Variants in DPYD observed in about 807,000 individuals in gnomAD.
DPYD encodes dihydropyrimidine dehydrogenase.
DPYD carries 109 observed loss-of-function variants against 116.2 expected under a neutral mutation model. That is an observed-to-expected ratio of 0.94 (90% CI 0.80 to 1.10). The LOEUF (loss-of-function observed/expected upper bound fraction) is 1.10. Among genes scored for constraint, DPYD ranks in the 50% least tolerant of loss-of-function variants. The probability of loss-of-function intolerance (pLI) is 0.00; values close to 1 mark genes in which losing one functional copy is unlikely to be tolerated. For synonymous variants in DPYD, 440 were observed against 432.0 expected (o/e 1.02, Z -0.23); for missense variants, 1,302 against 1,254.5 (o/e 1.04, Z -0.57).
rs560253354 is a variant in DPYD at position 97,743,591 on chromosome 1, A to T, written c.234-3112T>A. Among the ~76,000 whole-genome samples, 3 of 152,270 alleles carry T rather than the reference A, an allele frequency of 2.0e-5. No individual in the cohort carries two copies. In the East Asian group the frequency reaches 5.8e-4, roughly 29 times the overall value. ...TATTACAGAGTGCATTTACTGCACCAAATCAGAAAGGTACTGCATTACAAT... is the reference window on the plus strand; with the variant it reads ...TATTACAGAGTGCATTTACTGCACCTAATCAGAAAGGTACTGCATTACAAT... On this transcript the variant is annotated intron_variant, in intron 3 of 22. Coordinates refer to ENST00000370192, the MANE Select transcript of DPYD (RefSeq NM_000110.4).
intron 18 of DPYD, among the ~76,000 whole-genome samples, chr1:97,276,404 G>A (rs926889110): frequency 5.9e-5 from 9 of 151,884 alleles, no homozygotes; most frequent in Non-Finnish European, 7.4e-5. Context: ...CAAACTATGC[G>A]TCCAACAAAA....
chr1:97,455,535 CAA>C (rs1472754823), intron 13 of DPYD, among the ~76,000 whole-genome samples: 2 of 151,764 alleles, frequency 1.3e-5, no homozygotes, highest in African/African-American at 4.8e-5. Context: ...CATTATTTCA[CAA>C]AAGAGGAAAA....
intron 8 of DPYD, among the ~76,000 whole-genome samples, chr1:97,664,853 C>T (rs1339352639): frequency 6.6e-6 from 1 of 152,156 alleles, no homozygotes; most frequent in African/African-American, 2.4e-5. Flanking sequence ...AGGCTGGAAG[C>T]TAGAACACAT....
intron 14 of DPYD, among the ~76,000 whole-genome samples, chr1:97,410,516 A>G (rs1397620388): frequency 1.3e-5 from 2 of 152,210 alleles, no homozygotes; most frequent in African/African-American, 2.4e-5. Flanking sequence ...ATTTAGCTAG[A>G]GTGCAAACAA....
chr1:97,720,272 A>G, intron 5 of DPYD: 4 of 985,324 alleles, frequency 4.1e-6, no homozygotes, highest in Non-Finnish European at 4.8e-6. Flanking sequence ...GTTAGTTGAT[A>G]TACATACTAT....
chr1:97,913,914 T>A (rs1242199420), intron 1 of DPYD, among the ~76,000 whole-genome samples: 1 of 151,902 alleles, frequency 6.6e-6, no homozygotes, highest in Non-Finnish European at 1.5e-5. Context: ...GGCCTGGAGT[T>A]GACATGTAAT....
At chr1:97,509,905 G>A (rs11165888) in intron 13 of DPYD, among the ~76,000 whole-genome samples, 12,659 of 151,880 alleles carry the variant, frequency 0.083, 641 homozygotes, top group South Asian at 0.1. Context: ...ATGTGACTTT[G>A]GGCATCAATT....
chr1:97,560,841 G>A (rs984198722), intron 11 of DPYD, among the ~76,000 whole-genome samples: 12 of 152,160 alleles, frequency 7.9e-5, no homozygotes, highest in African/African-American at 2.9e-4. Context: ...TCTTTGATGA[G>A]ATGCCATCAG....
Position 97,346,796 on chromosome 1 carries a change from G to T in DPYD, c.2058+26765C>A, listed in dbSNP as rs1669871930. Among the ~76,000 whole-genome samples the T allele has an allele frequency of 1.3e-5, 2 of 151,968 alleles. 1 individual carries two copies. Among genetic ancestry groups the T allele is most frequent in the Middle Eastern group, 6.8e-3 (2 of 294 alleles). ...TACGAGTTCTGTGTTCTGCGAGTTTGCTCAATTTATCCAACTGTGTGTCAA... is the reference window on the plus strand; with the variant it reads ...TACGAGTTCTGTGTTCTGCGAGTTTTCTCAATTTATCCAACTGTGTGTCAA... On this transcript the variant is annotated intron_variant, in intron 16 of 22. Coordinates refer to ENST00000370192, the MANE Select transcript of DPYD (RefSeq NM_000110.4).
chr1:97,758,902 C>T (rs1422892572), intron 3 of DPYD, among the ~76,000 whole-genome samples: 1 of 152,178 alleles, frequency 6.6e-6, no homozygotes, highest in African/African-American at 2.4e-5. Flanking sequence ...GTCCCTGCTA[C>T]TTGGAGGCTG....
At chr1:97,705,034 T>C (rs1185706214) in intron 5 of DPYD, among the ~76,000 whole-genome samples, 2 of 151,958 alleles carry the variant, frequency 1.3e-5, no homozygotes, top group Non-Finnish European at 2.9e-5. Flanking sequence ...TTTATGGAGG[T>C]ACAATTATCA....
intron 13 of DPYD, among the ~76,000 whole-genome samples, chr1:97,503,632 G>A (rs994986080): frequency 2.0e-5 from 3 of 151,684 alleles, no homozygotes; most frequent in African/African-American, 7.3e-5. Context: ...CTGTCTTATG[G>A]CTCTCCCAGT....
At chr1:97,139,107 T>A (rs916641378) in intron 20 of DPYD, among the ~76,000 whole-genome samples, 22 of 152,170 alleles carry the variant, frequency 1.4e-4, no homozygotes, top group African/African-American at 5.3e-4. Context: ...GATTAGTAAA[T>A]CTTATCCAAA....
chr1:97,200,549 A>T (rs1442359341), intron 19 of DPYD, among the ~76,000 whole-genome samples: 1 of 152,160 alleles, frequency 6.6e-6, no homozygotes, highest in Non-Finnish European at 1.5e-5. Context: ...CTCAGGAAAA[A>T]GAAGGTTATA....
intron 20 of DPYD, among the ~76,000 whole-genome samples, chr1:97,191,969 T>TCA (rs916135021): frequency 2.0e-5 from 3 of 152,180 alleles, no homozygotes; most frequent in African/African-American, 7.2e-5. Context: ...AATATTAATG[T>TCA]CACAGTCTTT....
At chr1:97,652,908 C>T (rs1463699801) in intron 8 of DPYD, among the ~76,000 whole-genome samples, 1 of 152,168 alleles carries the variant, frequency 6.6e-6, no homozygotes, top group African/African-American at 2.4e-5. Context: ...GCTTCCTAGG[C>T]ATATGCCATC....
intron 8 of DPYD, among the ~76,000 whole-genome samples, 191 bp from the exon 9 acceptor site, chr1:97,595,357 T>C (rs1654805530): frequency 6.6e-6 from 1 of 152,142 alleles, no homozygotes; most frequent in Admixed American, 6.5e-5. Flanking sequence ...ATATCTTTAA[T>C]ATATAACCAA....
chr1:97,655,571 G>T (rs1359858549), intron 8 of DPYD, among the ~76,000 whole-genome samples: 3 of 152,148 alleles, frequency 2.0e-5, no homozygotes, highest in Non-Finnish European at 4.4e-5. Flanking sequence ...TAAACAAGTT[G>T]ATTTCTAAAA....
chr1:97,178,081 A>T (rs1657413531), intron 20 of DPYD, among the ~76,000 whole-genome samples: 1 of 152,132 alleles, frequency 6.6e-6, no homozygotes, highest in Admixed American at 6.6e-5. Context: ...TTTTGAAGGG[A>T]CACAAACATT....
Sources: allele counts gnomAD v4.1 joint callset (sites outside exome capture counted in the v4.1 genomes callset), GRCh38; gene constraint gnomAD v4.1.1; transcripts MANE v1.5; gene names NCBI Gene and HGNC (gene_info 2026-07-23, HGNC 2026-07-21).